ST8SIA2: variants seen among roughly 807,000 people sequenced by gnomAD.
The protein encoded by ST8SIA2 is alpha-2,8-sialyltransferase 8B.
A neutral mutation model predicts 37.6 loss-of-function variants in ST8SIA2; 22 were observed. The ratio of observed to expected loss-of-function variants is 0.58; its 90% CI spans 0.42 to 0.83. ST8SIA2 has a LOEUF of 0.83. Ranked by LOEUF, ST8SIA2 falls within the 40% of genes least tolerant of loss-of-function variation. The pLI is 0.00. For synonymous variants in ST8SIA2, 205 were observed against 201.2 expected (o/e 1.02, Z -0.16); for missense variants, 382 against 484.7 (o/e 0.79, Z 1.99).
intron 5 of ST8SIA2, among the ~76,000 whole-genome samples, chr15:92,448,526 G>A (rs1326653458): frequency 6.6e-6 from 1 of 152,192 alleles, no homozygotes; most frequent in Non-Finnish European, 1.5e-5. Flanking sequence ...CAAAACCATG[G>A]GCTTTGGCAG....
rs1230790900 is a variant in ST8SIA2, at chr15:92,465,602, A to G, written c.*1217A>G. On this transcript the variant is annotated 3_prime_UTR_variant, in exon 6 of 6. Coordinates refer to ENST00000268164, the MANE Select transcript of ST8SIA2 (RefSeq NM_006011.4). ...ACTTTCTTGTCACTTTCCTACCCTG[A>G]TGGTCACACTAGCCCACCCCAAGCT... 1 of 152,086 alleles carries G rather than the reference A, an allele frequency of 6.6e-6. No individual in the cohort carries two copies. Among genetic ancestry groups the G allele is most frequent in the African/African-American group, 2.4e-5 (1 of 41,368 alleles). The allele number at this position is 152,086 out of a possible 1,614,324, so 9.4% of individuals were successfully genotyped here.
At chr15:92,459,345 C>T (rs1440368094) in intron 5 of ST8SIA2, among the ~76,000 whole-genome samples, 2 of 152,152 alleles carry the variant, frequency 1.3e-5, no homozygotes, top group Admixed American at 6.5e-5. Flanking sequence ...CAGCTGCAGC[C>T]AGCTCATTCC....
rs577583918 is a variant in ST8SIA2 at position 92,468,159 on chromosome 15, T to G, written c.*3774T>G. 6.5e-6 allele frequency: 1 copy of G among 152,764 alleles called. No individual in the cohort carries two copies. The highest frequency in any genetic ancestry group is 1.9e-4 in the East Asian group (1 of 5,188). The allele number at this position is 152,764 out of a possible 1,614,324, so 9.5% of individuals were successfully genotyped here. On this transcript the variant is annotated 3_prime_UTR_variant, in exon 6 of 6. Coordinates refer to ENST00000268164, the MANE Select transcript of ST8SIA2 (RefSeq NM_006011.4). ...AGTCTCATCTCCCAGATTACCTCTGTGCACACTGACACGTGGTCCCGTCCA... is the reference window on the plus strand; with the variant it reads ...AGTCTCATCTCCCAGATTACCTCTGGGCACACTGACACGTGGTCCCGTCCA...
chr15:92,425,469 A>T (rs561128439), intron 1 of ST8SIA2, among the ~76,000 whole-genome samples: 4 of 152,368 alleles, frequency 2.6e-5, no homozygotes, highest in East Asian at 3.9e-4. Context: ...GTGCAAGGCT[A>T]AGAAAGTGAA....
intron 1 of ST8SIA2, among the ~76,000 whole-genome samples, chr15:92,419,984 G>C (rs2049620526): frequency 6.6e-6 from 1 of 152,308 alleles, no homozygotes; most frequent in Non-Finnish European, 1.5e-5. Flanking sequence ...TCCTGCCTCA[G>C]CCTCCGGAGT....
chr15:92,394,617 G>T (rs1022761824), intron 1 of ST8SIA2, among the ~76,000 whole-genome samples: 1 of 152,194 alleles, frequency 6.6e-6, no homozygotes, highest in Admixed American at 6.5e-5. Context: ...TGAGCTGGGG[G>T]AGGGGTTCCT....
intron 5 of ST8SIA2, among the ~76,000 whole-genome samples, chr15:92,462,295 G>GA (rs1322756982): frequency 6.6e-6 from 1 of 152,158 alleles, no homozygotes; most frequent in Admixed American, 6.5e-5. Context: ...ATGATTAGGT[G>GA]ACTCACTGAA....
chr15:92,428,859 T>A (rs2049695010), intron 1 of ST8SIA2, among the ~76,000 whole-genome samples: 1 of 152,198 alleles, frequency 6.6e-6, no homozygotes, highest in African/African-American at 2.4e-5. Context: ...GCCTATGAAA[T>A]GGGTAAATAT....
At chr15:92,395,974 A>C (rs1346429754) in intron 1 of ST8SIA2, among the ~76,000 whole-genome samples, 1 of 152,180 alleles carries the variant, frequency 6.6e-6, no homozygotes, top group Non-Finnish European at 1.5e-5. Flanking sequence ...TTTGCACATA[A>C]TGTTGCACTT....
Position 92,394,107 on chromosome 15 carries a change from C to G in ST8SIA2, c.43C>G (p.Leu15Val), listed in dbSNP as rs960204107. 1 of 1,559,526 alleles carries G rather than the reference C, an allele frequency of 6.4e-7. No individual in the cohort carries two copies. The highest frequency in any genetic ancestry group is 8.7e-7 in the Non-Finnish European group (1 of 1,150,778). ...GAGCTGGATGCTGGCCGCGCTCACGCTGCTCGTGGTCTTCCTCATCTTCGC... is the reference window on the plus strand; with the variant it reads ...GAGCTGGATGCTGGCCGCGCTCACGGTGCTCGTGGTCTTCCTCATCTTCGC... ...FRSWMLAALT[L>V]LVVFLIFADI... Residue 15 changes from leucine (L) to valine (V), a missense_variant, in exon 1 of 6, where the codon CTG becomes GTG. Transcript: ENST00000268164.
chr15:92,424,170 G>C (rs2049657006), intron 1 of ST8SIA2, among the ~76,000 whole-genome samples: 1 of 152,170 alleles, frequency 6.6e-6, no homozygotes, highest in African/African-American at 2.4e-5. Context: ...GTTTAAGTTG[G>C]CTCTAGACTC....
chr15:92,418,506 C>T (rs909803423), intron 1 of ST8SIA2, among the ~76,000 whole-genome samples: 12 of 147,906 alleles, frequency 8.1e-5, no homozygotes, highest in Admixed American at 3.4e-4. Flanking sequence ...GTGCCTGGCA[C>T]ATGGAGGGGC....
At chr15:92,450,589 G>C (rs1377286813) in intron 5 of ST8SIA2, among the ~76,000 whole-genome samples, 1 of 152,180 alleles carries the variant, frequency 6.6e-6, no homozygotes, top group Non-Finnish European at 1.5e-5. Flanking sequence ...AGGAGCAAGA[G>C]AGAGAGGGAG....
chr15:92,394,194 G>A, intron 1 of ST8SIA2, 32 bp downstream of exon 1: 1 of 1,531,868 alleles, frequency 6.5e-7, no homozygotes, highest in Non-Finnish European at 8.9e-7. Context: ...CGTGCCACGA[G>A]CCCTGGCGGG....
intron 4 of ST8SIA2, among the ~76,000 whole-genome samples, chr15:92,441,934 A>G (rs2049806206): frequency 6.6e-6 from 1 of 152,160 alleles, no homozygotes; most frequent in Non-Finnish European, 1.5e-5. Context: ...CTCACCCTGC[A>G]GAGTACTCTT....
intron 5 of ST8SIA2, among the ~76,000 whole-genome samples, chr15:92,457,018 C>A (rs1204953071): frequency 6.6e-6 from 1 of 152,216 alleles, no homozygotes; most frequent in South Asian, 2.1e-4. Context: ...TCTGAGATAT[C>A]CTGCAGCACA....
intron 3 of ST8SIA2, among the ~76,000 whole-genome samples, chr15:92,435,918 G>A (rs754880105): frequency 3.4e-4 from 51 of 152,178 alleles, no homozygotes; most frequent in Non-Finnish European, 6.6e-4. Flanking sequence ...TTCTTGCACC[G>A]CTCTGGATGC....
intron 4 of ST8SIA2, among the ~76,000 whole-genome samples, chr15:92,442,813 C>G (rs538010657): frequency 3.3e-5 from 5 of 152,230 alleles, no homozygotes; most frequent in Admixed American, 1.3e-4. Context: ...TGGGAAGACG[C>G]GATATTTTAG....
At chr15:92,452,186 T>C (rs187725644) in intron 5 of ST8SIA2, among the ~76,000 whole-genome samples, 16 of 152,284 alleles carry the variant, frequency 1.1e-4, no homozygotes, top group Middle Eastern at 3.4e-3. Context: ...AGTGGTTCTT[T>C]ACATTCATGG....
Sources: allele counts gnomAD v4.1 joint callset (sites outside exome capture counted in the v4.1 genomes callset), GRCh38; gene constraint gnomAD v4.1.1; transcripts MANE v1.5; gene names NCBI Gene and HGNC (gene_info 2026-07-23, HGNC 2026-07-21).